STS: variants seen among roughly 807,000 people sequenced by gnomAD.
STS encodes the protein steryl-sulfatase.
STS carries 7 observed loss-of-function variants against 26.8 expected under a neutral mutation model. The ratio of observed to expected loss-of-function variants is 0.26; its 90% CI spans 0.15 to 0.49. The LOEUF is 0.49. STS is among the 20% of genes least tolerant of loss of function. STS has a pLI of 0.98. For missense variants in STS, 434 were observed against 465.6 expected (o/e 0.93, Z 0.63); for synonymous variants, 199 against 189.4 (o/e 1.05, Z -0.42).
intron 7 of STS, among the ~76,000 whole-genome samples, chrX:7,293,856 A>G (rs1392237012): frequency 8.9e-6 from 1 of 111,816 alleles, no homozygotes; most frequent in Non-Finnish European, 1.9e-5. Flanking sequence ...AGCAGGAAAA[A>G]TAGCAGAAGG....
chrX:7,290,702 T>A (rs1925373086), intron 7 of STS, among the ~76,000 whole-genome samples: 1 of 112,054 alleles, frequency 8.9e-6, no homozygotes. Context: ...GTGACCAGAT[T>A]GCATGTGATT....
intron 10 of STS, among the ~76,000 whole-genome samples, chrX:7,347,887 A>T (rs751943806): frequency 1.8e-5 from 2 of 111,795 alleles, no homozygotes; most frequent in South Asian, 3.8e-4. Context: ...CCTGGAAGAA[A>T]GTGTGGGATG....
intron 7 of STS, among the ~76,000 whole-genome samples, chrX:7,301,850 A>G (rs770995682): frequency 1.7e-3 from 187 of 112,083 alleles, no homozygotes; most frequent in African/African-American, 5.9e-3. Context: ...ACTTAGAAAT[A>G]TCTTAAGATC....
At chrX:7,320,022 A>T (rs868371760) in intron 8 of STS, among the ~76,000 whole-genome samples, 15 of 92,991 alleles carry the variant, frequency 1.6e-4, no homozygotes, top group Admixed American at 6.7e-4. Flanking sequence ...ATTTATATAT[A>T]TTTATATATA....
At chrX:7,283,666 T>C (rs1388988799) in intron 7 of STS, among the ~76,000 whole-genome samples, 1 of 110,383 alleles carries the variant, frequency 9.1e-6, no homozygotes, top group Non-Finnish European at 1.9e-5. Flanking sequence ...ACCAAACTTA[T>C]TGATGATTGA....
rs1380539325 is a variant in STS, at chrX:7,147,961, G to C, written c.-256G>C. 2 of 684,216 alleles carry C rather than the reference G, an allele frequency of 2.9e-6. No homozygotes were observed. Among genetic ancestry groups the C allele is most frequent in the African/African-American group, 4.7e-5 (2 of 42,844 alleles). 56.4% of individuals were successfully genotyped at this position (684,216 alleles called of 1,213,427 possible). A position where few individuals can be genotyped will look rare whatever the true frequency, so the allele number is the denominator to read the frequency against. ...GTCCCTGCATGAACACCGCCCCGCC[G>C]CGGCCCCCAGGCCGTGACGTACCCC... On this transcript the variant is annotated 5_prime_UTR_variant, in exon 1 of 11. Transcript: ENST00000674429.
intron 1 of STS, among the ~76,000 whole-genome samples, chrX:7,173,502 T>C (rs1933507832): frequency 8.9e-6 from 1 of 112,219 alleles, no homozygotes; most frequent in African/African-American, 3.2e-5. Context: ...TCTAAATCTT[T>C]GAGGAATCAC....
At chrX:7,271,753 T>A (rs1220267894) in intron 6 of STS, among the ~76,000 whole-genome samples, 1 of 105,469 alleles carries the variant, frequency 9.5e-6, no homozygotes, top group Non-Finnish European at 1.9e-5. Flanking sequence ...GGCTGTGAGA[T>A]ATTAACAACA....
chrX:7,163,728 G>T (rs1290235232), intron 1 of STS, among the ~76,000 whole-genome samples: 2 of 112,402 alleles, frequency 1.8e-5, no homozygotes, highest in Non-Finnish European at 3.8e-5. Context: ...TAACATACTT[G>T]GCAGTGACAC....
At chrX:7,273,801 C>T (rs1251282837) in intron 6 of STS, among the ~76,000 whole-genome samples, 4 of 111,227 alleles carry the variant, frequency 3.6e-5, no homozygotes, top group Non-Finnish European at 5.7e-5. Flanking sequence ...AAATTGAATT[C>T]CTGCCCCCAT....
chrX:7,196,825 C>T (rs1176065833), intron 2 of STS, among the ~76,000 whole-genome samples: 1 of 111,447 alleles, frequency 9.0e-6, no homozygotes, highest in Non-Finnish European at 1.9e-5. Context: ...TCCTGGTAGT[C>T]TGCCTGTATC....
Position 7,206,711 on chromosome X carries a change from T to C in STS, c.-5+15703T>C, listed in dbSNP as rs779095536. On this transcript the variant is annotated intron_variant, in intron 2 of 10. Transcript: ENST00000674429. Reference sequence around the variant, plus strand: ...AGAGGCATGCAGGTATCTGTATGCATAAAATTTAAATCTTAATTTAAGGAA... The same window carrying C: ...AGAGGCATGCAGGTATCTGTATGCACAAAATTTAAATCTTAATTTAAGGAA... 8.9e-5 allele frequency among the ~76,000 whole-genome samples: 10 copies of C among 112,210 alleles called. No homozygotes were observed. In the South Asian group the frequency reaches 3.3e-3, roughly 37 times the overall value.
intron 2 of STS, among the ~76,000 whole-genome samples, chrX:7,214,071 G>A (rs189422342): frequency 2.9e-4 from 32 of 111,618 alleles, no homozygotes; most frequent in Non-Finnish European, 1.7e-4. Context: ...CTGGGCCACA[G>A]AGCAAGACCC....
At chrX:7,247,451 G>A (rs1922939642) in intron 2 of STS, among the ~76,000 whole-genome samples, 2 of 111,836 alleles carry the variant, frequency 1.8e-5, no homozygotes, top group African/African-American at 3.2e-5. Flanking sequence ...AAAATATCAT[G>A]CTTCTCAAAA....
At chrX:7,248,268 A>G (rs1241702297) in intron 2 of STS, among the ~76,000 whole-genome samples, 1 of 112,210 alleles carries the variant, frequency 8.9e-6, no homozygotes, top group African/African-American at 3.2e-5. Flanking sequence ...ACAACAGTGT[A>G]TATTTTCATT....
Position 7,325,380 on chromosome X carries a change from G to A in STS, c.1123G>A (p.Gly375Ser), listed in dbSNP as rs757086724. The A allele has an allele frequency of 1.7e-6, 2 of 1,209,439 alleles. No homozygotes were observed. Among genetic ancestry groups the A allele is most frequent in the Admixed American group, 2.2e-5 (1 of 45,672 alleles). ...NNWEGGIRVP[G>S]ILRWPRVIQA... ...CTGGGAAGGAGGTATCCGGGTTCCA[G>A]GCATCCTTCGTTGGCCCAGGGTGAT... Residue 375 changes from glycine (G) to serine (S), a missense_variant, in exon 9 of 11, where the codon GGC becomes AGC. Around this residue, in one of 2 missense-constraint regions of STS, gnomAD observed 205 missense variants for 177.3 expected, o/e 1.16. Coordinates refer to ENST00000674429, the MANE Select transcript of STS (RefSeq NM_001320752.2).
At chrX:7,346,458 TAAAA>T (rs33973441) in intron 10 of STS, among the ~76,000 whole-genome samples, 5 of 80,749 alleles carry the variant, frequency 6.2e-5, no homozygotes, top group African/African-American at 1.3e-4. Context: ...CTTAAACAAG[TAAAA>T]AAAAAAAAAA....
chrX:7,230,365 A>G (rs1346852833), intron 2 of STS, among the ~76,000 whole-genome samples: 2 of 111,846 alleles, frequency 1.8e-5, no homozygotes, highest in Non-Finnish European at 3.8e-5. Context: ...TGTACCCAAA[A>G]GAATTGAAAA....
At chrX:7,173,905 A>G (rs780839526) in intron 1 of STS, among the ~76,000 whole-genome samples, 1 of 112,230 alleles carries the variant, frequency 8.9e-6, no homozygotes, top group Admixed American at 9.5e-5. Context: ...AATCTTTGGG[A>G]GAAAGTGGCC....
Sources: gnomAD v4.1 joint callset for allele counts (sites outside exome capture counted in the v4.1 genomes callset) on GRCh38, gnomAD v4.1.1 for gene constraint, gnomAD v4.1.1 regional missense constraint, MANE v1.5 for transcripts, NCBI Gene and HGNC (gene_info 2026-07-23, HGNC 2026-07-21) for gene names.